Variants in PKHD1L1 observed in about 807,000 individuals in gnomAD.
PKHD1L1 encodes the protein fibrocystin-L.
A neutral mutation model predicts 462.9 loss-of-function variants in PKHD1L1; 434 were observed. The ratio of observed to expected loss-of-function variants is 0.94; its 90% CI spans 0.87 to 1.02. The LOEUF is 1.02. Among genes scored for constraint, PKHD1L1 ranks in the 50% least tolerant of loss-of-function variants. PKHD1L1 has a pLI of 0.00. For missense variants in PKHD1L1, 5,202 were observed against 5,096.1 expected (o/e 1.02, Z -0.63); for synonymous variants, 1,781 against 1,750.0 (o/e 1.02, Z -0.44).
intron 5 of PKHD1L1, among the ~76,000 whole-genome samples, chr8:109,384,382 AAAAT>A (rs1349380881): frequency 2.0e-5 from 3 of 152,062 alleles, no homozygotes; most frequent in African/African-American, 4.8e-5. Context: ...CTAAAAAATA[AAAAT>A]AAATAAATTA....
chr8:109,405,236 T>C (rs933648421), intron 16 of PKHD1L1, 106 bp downstream of exon 16: 4 of 696,058 alleles, frequency 5.7e-6, no homozygotes, highest in South Asian at 4.8e-5. Flanking sequence ...ATAGTTTTGA[T>C]GATATGCTAG....
At chr8:109,415,946 C>T (rs1814147209) in intron 21 of PKHD1L1, among the ~76,000 whole-genome samples, 1 of 143,614 alleles carries the variant, frequency 7.0e-6, no homozygotes, top group Admixed American at 6.9e-5. Context: ...AAAACATCAA[C>T]ATCATATTTG....
At chr8:109,404,811 T>A in intron 15 of PKHD1L1, 98 bp downstream of exon 15, 1 of 1,271,630 alleles carries the variant, frequency 7.9e-7, no homozygotes. Flanking sequence ...CTGTTTTAGG[T>A]GAAAGCAGTC....
chr8:109,420,998 T>C (rs1176459535), intron 23 of PKHD1L1, among the ~76,000 whole-genome samples: 4 of 152,132 alleles, frequency 2.6e-5, no homozygotes, highest in East Asian at 3.9e-4. Context: ...CAGATATTAT[T>C]GAGAGAAAAA....
intron 23 of PKHD1L1, among the ~76,000 whole-genome samples, chr8:109,421,552 A>G (rs10955519): frequency 0.52 from 79,325 of 151,696 alleles, 20,842 homozygotes; most frequent in South Asian, 0.62. Context: ...GGAGGCCGAG[A>G]CGGGCGGATC....
chr8:109,391,469 A>G (rs1379370), intron 9 of PKHD1L1, among the ~76,000 whole-genome samples: 91,403 of 152,018 alleles, frequency 0.6, 28,215 homozygotes, highest in African/African-American at 0.73. Flanking sequence ...CAAATGTGTG[A>G]AGAATCCCCT....
intron 18 of PKHD1L1, among the ~76,000 whole-genome samples, chr8:109,409,637 A>G (rs1229473649): frequency 6.6e-6 from 1 of 152,198 alleles, no homozygotes; most frequent in Non-Finnish European, 1.5e-5. Flanking sequence ...TTATTAGCCA[A>G]TTGTATGTAA....
chr8:109,404,936 A>G, intron 15 of PKHD1L1, 59 bp from the exon 16 acceptor site: 1 of 1,228,282 alleles, frequency 8.1e-7, no homozygotes, highest in Non-Finnish European at 1.1e-6. Context: ...CTGAATTATG[A>G]TGCTTTTAAG....
chr8:109,470,610 T>TC, intron 50 of PKHD1L1: 1 of 1,578,292 alleles, frequency 6.3e-7, no homozygotes, highest in Non-Finnish European at 8.6e-7. Flanking sequence ...ATAAATTAAA[T>TC]GACTTGAATA....
chr8:109,435,866 T>C (rs1162059356), intron 29 of PKHD1L1, among the ~76,000 whole-genome samples: 6 of 152,228 alleles, frequency 3.9e-5, no homozygotes, highest in Admixed American at 6.5e-5. Context: ...TTTTGATCCT[T>C]TTGGTATGCT....
intron 4 of PKHD1L1, 63 bp downstream of exon 4, chr8:109,382,634 G>C: frequency 4.5e-6 from 6 of 1,339,160 alleles, no homozygotes; most frequent in Non-Finnish European, 6.2e-6. Context: ...CTGCAGAACT[G>C]AATTTTTCCT....
chr8:109,477,751 G>T (rs1187978897), intron 53 of PKHD1L1, among the ~76,000 whole-genome samples: 5 of 152,146 alleles, frequency 3.3e-5, no homozygotes. Flanking sequence ...ATCCAGTACA[G>T]CACCAGAAAC....
At chr8:109,415,988 A>C (rs1348411179) in intron 21 of PKHD1L1, among the ~76,000 whole-genome samples, 1 of 151,892 alleles carries the variant, frequency 6.6e-6, no homozygotes, top group African/African-American at 2.4e-5. Flanking sequence ...GATCCTGAGC[A>C]TATGGACCTA....
rs771022142 is a variant in PKHD1L1 at position 109,427,009 on chromosome 8, C to G, written c.2853C>G (p.Pro951=). The change falls in exon 25 of 78, where the codon CCC becomes CCG. Residue 951 remains proline, a synonymous_variant. Transcript: ENST00000378402. ...QAYGHILKGL[P]AAVSAADLQF... ...ACCCCTCTGTGAGTGCAGGCCTCCC[C>G]GCTGCTGTGTCAGCTGCAGATCTGC... The G allele has an allele frequency of 4.8e-5, 73 of 1,522,380 alleles. No homozygotes were observed. The highest frequency in any genetic ancestry group is 6.5e-5 in the Non-Finnish European group (71 of 1,096,472). 94.3% of individuals were successfully genotyped at this position (1,522,380 alleles called of 1,614,324 possible).
rs1446284540 is a variant in PKHD1L1 at position 109,369,766 on chromosome 8, G to A, written c.163+5130G>A. Among the ~76,000 whole-genome samples, 3 of 152,192 alleles carry A rather than the reference G, an allele frequency of 2.0e-5. No individual in the cohort carries two copies. The South Asian group carries it at 6.2e-4, about 32-fold the overall frequency. The stretch of plus-strand genomic sequence containing the variant: ...CAAAGATAAGCAAAGTTGACAAAAG[G>A]GAAGAGTGGGTTTACACGTAACTTG... On this transcript the variant is annotated intron_variant, in intron 2 of 77. Transcript: ENST00000378402.
In PKHD1L1 at chr8:109,531,238, CACTT is replaced by C. The variant is rs1037448927; in HGVS notation, c.*1151_*1154del. Among the ~76,000 whole-genome samples, 1 of 152,182 alleles carries C rather than the reference CACTT, an allele frequency of 6.6e-6. No individual in the cohort carries two copies. On this transcript the variant is annotated 3_prime_UTR_variant, in exon 78 of 78. Transcript: ENST00000378402. ...TCTTACTTAGCAGAAAATGTATAAA[CACTT>C]ACCAGGTAGTAAAATCAAATATCTT...
At chr8:109,414,527 A>G (rs1261830817) in intron 21 of PKHD1L1, among the ~76,000 whole-genome samples, 1 of 151,986 alleles carries the variant, frequency 6.6e-6, no homozygotes, top group East Asian at 1.9e-4. Context: ...CTACATCACA[A>G]TTTTTATTTT....
At position 109,534,908 on chromosome 8, in the gene PKHD1L1, G is replaced by GTTT. The variant is rs145885682; in HGVS notation, c.*4826_*4828dup. ...ACCCATGAATGTGACTTTATTAGAG[G>GTTT]TTTTTTTTTTAGGTTAAGGACTATG... On this transcript the variant is annotated 3_prime_UTR_variant, in exon 78 of 78. Transcript: ENST00000378402. Among the ~76,000 whole-genome samples the GTTT allele has an allele frequency of 6.7e-5, 10 of 149,510 alleles. No homozygotes were observed. Among genetic ancestry groups the GTTT allele is most frequent in the Non-Finnish European group, 1.2e-4 (8 of 67,310 alleles).
chr8:109,413,485 A>G lies in PKHD1L1; in HGVS notation c.2300A>G (p.Asn767Ser), dbSNP rs910532057. 2 of 1,581,032 alleles carry G rather than the reference A, an allele frequency of 1.3e-6. No homozygotes were observed. Among genetic ancestry groups the G allele is most frequent in the African/African-American group, 2.7e-5 (2 of 74,482 alleles). ...YIGLKFQYQD[N>S]SKITRSTDTQ... ...GGTCTAAAATTTCAGTACCAAGACA[A>G]TAGCAAGATTACTAGAAGCACTGAT... The change falls in exon 21 of 78, where the codon AAT becomes AGT. Residue 767 changes from asparagine to serine, a missense_variant. By Grantham distance (46) the Asn-to-Ser change is conservative (BLOSUM62 1). Transcript: ENST00000378402.
Sources: gnomAD v4.1 joint callset for allele counts (sites outside exome capture counted in the v4.1 genomes callset) on GRCh38, gnomAD v4.1.1 for gene constraint, MANE v1.5 for transcripts, NCBI Gene and HGNC (gene_info 2026-07-23, HGNC 2026-07-21) for gene names.